The following NCALD variants were observed in gnomAD, a reference collection of about 807,000 sequenced individuals.
The protein encoded by NCALD is neurocalcin delta.
In NCALD, 10 loss-of-function variants were observed where a neutral mutation model predicts 18.6. The observed-to-expected ratio is 0.54, with a 90% CI of 0.33 to 0.91. NCALD has a LOEUF of 0.91. NCALD is among the 40% of genes least tolerant of loss of function. The pLI is 0.03. For missense variants in NCALD, 184 were observed against 247.6 expected, an observed-to-expected ratio of 0.74 and a Z score of 1.72; for synonymous variants, 88 against 87.4, an observed-to-expected ratio of 1.01 and a Z score of -0.04.
chr8:101,803,967 C>T (rs1322368030), intron 4 of NCALD, among the ~76,000 whole-genome samples: 2 of 151,998 alleles, frequency 1.3e-5, no homozygotes, highest in Non-Finnish European at 2.9e-5. Flanking sequence ...AAGAGCCAAC[C>T]GATGTGGTAA....
intron 2 of NCALD, among the ~76,000 whole-genome samples, chr8:101,946,435 GT>G (rs754406640): frequency 8.5e-5 from 13 of 152,058 alleles, no homozygotes; most frequent in Non-Finnish European, 1.9e-4. Context: ...TCTTCAAAAA[GT>G]TTATGGAAAA....
intron 1 of NCALD, among the ~76,000 whole-genome samples, chr8:102,088,439 G>A (rs911168139): frequency 3.9e-5 from 6 of 152,090 alleles, no homozygotes; most frequent in South Asian, 2.1e-4. Flanking sequence ...TCAAAAGGAC[G>A]TTTTTAAAGA....
At chr8:101,723,840 AC>A (rs1295816350) in intron 1 of NCALD, among the ~76,000 whole-genome samples, 1 of 152,100 alleles carries the variant, frequency 6.6e-6, no homozygotes, top group African/African-American at 2.4e-5. Context: ...CATATCATTA[AC>A]CTATTTACAG....
At chr8:102,084,167 T>C (rs541622559) in intron 1 of NCALD, among the ~76,000 whole-genome samples, 8 of 152,346 alleles carry the variant, frequency 5.3e-5, no homozygotes, top group Admixed American at 5.2e-4. Flanking sequence ...TCTACATTAC[T>C]TTCACTTATG....
At chr8:101,833,607 C>CTTTTTTTTTT (rs1814276533) in intron 4 of NCALD, among the ~76,000 whole-genome samples, 1 of 75,084 alleles carries the variant, frequency 1.3e-5, no homozygotes, top group African/African-American at 6.0e-5. Flanking sequence ...TTTTTTGTTT[C>CTTTTTTTTTT]TTGTTTTTTT....
chr8:102,121,893 T>C (rs1313526790), intron 1 of NCALD, among the ~76,000 whole-genome samples: 1 of 152,218 alleles, frequency 6.6e-6, no homozygotes, highest in African/African-American at 2.4e-5. Flanking sequence ...CTCCTCTCTG[T>C]CTATTATTCT....
Position 101,808,927 on chromosome 8 carries a change from T to G in NCALD, c.-20+78214A>C, listed in dbSNP as rs111522943. Among the ~76,000 whole-genome samples the G allele has an allele frequency of 5.7e-3, 872 of 152,044 alleles. 11 individuals are homozygous for G. Among genetic ancestry groups the G allele is most frequent in the African/African-American group, 0.018 (767 of 41,478 alleles). ...AGACAGAGAGAGAGAGGGAGAGACA[T>G]AAAGAGGGAGATTTCCATTTTATTT... On this transcript the variant is annotated intron_variant, in intron 4 of 6. Coordinates refer to the NCALD transcript ENST00000311028.
At chr8:102,010,520 G>A (rs1313109190) in intron 2 of NCALD, among the ~76,000 whole-genome samples, 1 of 152,116 alleles carries the variant, frequency 6.6e-6, no homozygotes, top group Non-Finnish European at 1.5e-5. Flanking sequence ...GGATTACATT[G>A]GTTAAATATA....
At chr8:102,097,123 G>A (rs1389887925) in intron 1 of NCALD, among the ~76,000 whole-genome samples, 1 of 152,152 alleles carries the variant, frequency 6.6e-6, no homozygotes, top group Non-Finnish European at 1.5e-5. Flanking sequence ...AGAGGTTTAA[G>A]AAGACCACCA....
intron 2 of NCALD, 51 bp from the exon 3 acceptor site, chr8:101,692,947 A>G (rs1270028271): frequency 7.4e-7 from 1 of 1,346,118 alleles, no homozygotes; most frequent in East Asian, 2.3e-5. Flanking sequence ...TATGGCACAC[A>G]ATAGACCTAT....
intron 2 of NCALD, among the ~76,000 whole-genome samples, chr8:101,981,767 A>T (rs1004027282): frequency 1.5e-4 from 15 of 102,160 alleles, no homozygotes; most frequent in Non-Finnish European, 1.9e-4. Context: ...CTTTTTCTAA[A>T]CAGTCTTCAG....
At chr8:101,784,417 C>T (rs990536449) in intron 1 of NCALD, among the ~76,000 whole-genome samples, 11 of 152,096 alleles carry the variant, frequency 7.2e-5, no homozygotes, top group Admixed American at 4.6e-4. Context: ...TTCCACTGTA[C>T]TCTATCAGTT....
intron 1 of NCALD, among the ~76,000 whole-genome samples, chr8:102,078,677 C>A (rs1344433837): frequency 6.6e-6 from 1 of 152,228 alleles, no homozygotes; most frequent in Non-Finnish European, 1.5e-5. Flanking sequence ...TTGTCTTCCC[C>A]AGATCTTCGC....
chr8:101,930,963 T>C (rs963088872), intron 2 of NCALD, among the ~76,000 whole-genome samples: 10 of 152,168 alleles, frequency 6.6e-5, no homozygotes, highest in African/African-American at 2.4e-4. Context: ...CAATTCCTTT[T>C]TTGGAGGGGT....
intron 1 of NCALD, among the ~76,000 whole-genome samples, chr8:102,121,585 T>C (rs1488063454): frequency 6.6e-6 from 1 of 152,222 alleles, no homozygotes; most frequent in Non-Finnish European, 1.5e-5. Flanking sequence ...AAACTTCACC[T>C]CTGCCTCCAG....
In NCALD at chr8:101,741,923, C is replaced by T. The variant is rs185117327; in HGVS notation, c.-19-22275G>A. Reference sequence around the variant, plus strand: ...CTGCACTCCAGCCTTGGCAATACAGCGAAAGCCTGTCTCAAAAAAAAAAAA... The same window carrying T: ...CTGCACTCCAGCCTTGGCAATACAGTGAAAGCCTGTCTCAAAAAAAAAAAA... On this transcript the variant is annotated intron_variant, in intron 1 of 3. Coordinates refer to ENST00000220931, the MANE Select transcript of NCALD (RefSeq NM_032041.3). 5.6e-3 allele frequency among the ~76,000 whole-genome samples: 607 copies of T among 108,634 alleles called. 2 individuals carry two copies. Among genetic ancestry groups the T allele is most frequent in the African/African-American group, 9.6e-3 (273 of 28,372 alleles). 71.3% of individuals were successfully genotyped at this position (108,634 alleles called of 152,430 possible). A position where few individuals can be genotyped will look rare whatever the true frequency, so the allele number is the denominator to read the frequency against.
At chr8:101,897,632 C>T (rs1563873383) in intron 3 of NCALD, among the ~76,000 whole-genome samples, 1 of 152,116 alleles carries the variant, frequency 6.6e-6, no homozygotes, top group Admixed American at 6.5e-5. Flanking sequence ...TATGTACAGG[C>T]TTTGTGTAGA....
At chr8:101,855,822 G>T (rs1007138591) in intron 4 of NCALD, among the ~76,000 whole-genome samples, 2 of 152,150 alleles carry the variant, frequency 1.3e-5, no homozygotes, top group African/African-American at 2.4e-5. Context: ...AAAAACAGTG[G>T]TGTCTTAGAA....
intron 4 of NCALD, among the ~76,000 whole-genome samples, chr8:101,796,196 A>G (rs2131047687): frequency 6.6e-6 from 1 of 152,260 alleles, no homozygotes; most frequent in South Asian, 2.1e-4. Flanking sequence ...GATCAAGATA[A>G]TTTTCCCCCT....
Sources: gnomAD v4.1 joint callset for allele counts (sites outside exome capture counted in the v4.1 genomes callset) on GRCh38, gnomAD v4.1.1 for gene constraint, MANE v1.5 for transcripts, NCBI Gene and HGNC (gene_info 2026-07-23, HGNC 2026-07-21) for gene names.